AKAP19: variants seen among roughly 807,000 people sequenced by gnomAD.
AKAP19 encodes the protein small A-kinase anchoring protein.
the AKAP19 span, among the ~76,000 whole-genome samples, chr2:189,980,163 G>T: frequency 1.3e-5 from 2 of 152,034 alleles, no homozygotes; most frequent in East Asian, 1.9e-4. Context: ...ATCAACCTAA[G>T]TGTCCATTAA....
At chr2:190,106,842 A>G in the AKAP19 span, among the ~76,000 whole-genome samples, 4 of 152,208 alleles carry the variant, frequency 2.6e-5, no homozygotes, top group Non-Finnish European at 4.4e-5. Context: ...AGGGCAAACA[A>G]TTGTCCAGCA....
chr2:190,064,642 A>G, the AKAP19 span, among the ~76,000 whole-genome samples: 1 of 152,194 alleles, frequency 6.6e-6, no homozygotes, highest in African/African-American at 2.4e-5. Context: ...GTAATTGATA[A>G]CTGGCATTTG....
chr2:190,127,014 C>A, the AKAP19 span, among the ~76,000 whole-genome samples: 1 of 151,990 alleles, frequency 6.6e-6, no homozygotes, highest in Non-Finnish European at 1.5e-5. Flanking sequence ...CCTTTGGCCA[C>A]CAGAGCACCC....
At chr2:190,115,714 G>A in the AKAP19 span, among the ~76,000 whole-genome samples, 5 of 152,184 alleles carry the variant, frequency 3.3e-5, no homozygotes, top group South Asian at 1.0e-3. Flanking sequence ...CTCCACTAGA[G>A]ACACTGTTCA....
the AKAP19 span, among the ~76,000 whole-genome samples, chr2:190,110,581 T>C: frequency 6.6e-6 from 1 of 152,222 alleles, no homozygotes; most frequent in African/African-American, 2.4e-5. Flanking sequence ...AATAATATTA[T>C]TGAATAAATT....
the AKAP19 span, among the ~76,000 whole-genome samples, chr2:190,191,574 T>C: frequency 1.3e-5 from 2 of 152,232 alleles, no homozygotes; most frequent in Non-Finnish European, 2.9e-5. Flanking sequence ...CCAGAGGCCA[T>C]GTCATTTTGC....
the AKAP19 span, among the ~76,000 whole-genome samples, chr2:190,154,929 T>C: frequency 1.3e-5 from 2 of 152,308 alleles, no homozygotes; most frequent in East Asian, 1.9e-4. Context: ...GGTCTCCTAC[T>C]TGAGTGAAAT....
chr2:190,074,312 T>G, the AKAP19 span, among the ~76,000 whole-genome samples: 1 of 152,216 alleles, frequency 6.6e-6, no homozygotes, highest in Non-Finnish European at 1.5e-5. Context: ...GAAAACATTT[T>G]AAGGTGAAAT....
At chr2:189,966,720 G>A in the AKAP19 span, among the ~76,000 whole-genome samples, 1 of 152,160 alleles carries the variant, frequency 6.6e-6, no homozygotes, top group South Asian at 2.1e-4. Context: ...TTGTATCAAT[G>A]TCAATATGGT....
At chr2:190,151,756 C>T in the AKAP19 span, among the ~76,000 whole-genome samples, 7 of 151,688 alleles carry the variant, frequency 4.6e-5, no homozygotes, top group African/African-American at 1.7e-4. Flanking sequence ...AATCCCAGTA[C>T]TTTGAGAGGC....
At chr2:189,931,424 C>T in the AKAP19 span, among the ~76,000 whole-genome samples, 755 of 152,138 alleles carry the variant, frequency 5.0e-3, 9 homozygotes, top group African/African-American at 0.017. Flanking sequence ...TGCAGTGGTG[C>T]GATCATAGCT....
chr2:190,003,441 G>T, the AKAP19 span, among the ~76,000 whole-genome samples: 29,517 of 151,986 alleles, frequency 0.19, 3,015 homozygotes, highest in Middle Eastern at 0.27. Context: ...TCTTTTCATA[G>T]ATTGAATTCA....
At chr2:189,927,941 G>T in the AKAP19 span, among the ~76,000 whole-genome samples, 1 of 152,162 alleles carries the variant, frequency 6.6e-6, no homozygotes, top group Non-Finnish European at 1.5e-5. Context: ...TAATGCTCTA[G>T]ACATTCAAAT....
At chr2:190,029,414 C>T in the AKAP19 span, among the ~76,000 whole-genome samples, 1 of 151,984 alleles carries the variant, frequency 6.6e-6, no homozygotes, top group African/African-American at 2.4e-5. Flanking sequence ...TCTAAATATT[C>T]AAGAAATCTA....
At chr2:189,931,720 G>C in the AKAP19 span, among the ~76,000 whole-genome samples, 1 of 152,038 alleles carries the variant, frequency 6.6e-6, no homozygotes, top group Non-Finnish European at 1.5e-5. Context: ...TTGGGCTCAG[G>C]TGATTCTCCC....
chr2:190,129,399 C>T, the AKAP19 span, among the ~76,000 whole-genome samples: 3 of 152,172 alleles, frequency 2.0e-5, no homozygotes, highest in African/African-American at 7.2e-5. Context: ...GTCAGAATCA[C>T]TCCCATCCCT....
chr2:190,076,321 C>T, the AKAP19 span, among the ~76,000 whole-genome samples: 1 of 152,214 alleles, frequency 6.6e-6, no homozygotes, highest in Non-Finnish European at 1.5e-5. Flanking sequence ...CTCCTCATTT[C>T]ATGCCCATTA....
At chr2:190,057,664 G>A in the AKAP19 span, 5 of 1,611,164 alleles carry the variant, frequency 3.1e-6, no homozygotes, top group South Asian at 5.5e-5. Flanking sequence ...AGAACAATCA[G>A]TAATATCAAT....
At chr2:189,943,877 C>G in the AKAP19 span, among the ~76,000 whole-genome samples, 1 of 152,194 alleles carries the variant, frequency 6.6e-6, no homozygotes, top group Admixed American at 6.5e-5. Context: ...TTTCTTTTGG[C>G]TGATTTCTCC....
Sources: allele counts gnomAD v4.1 joint callset (sites outside exome capture counted in the v4.1 genomes callset), GRCh38; gene constraint gnomAD v4.1.1; transcripts MANE v1.5; gene names NCBI Gene and HGNC (gene_info 2026-07-23, HGNC 2026-07-21).